Variants in EEA1 observed in about 807,000 individuals in gnomAD.
EEA1 encodes early endosome antigen 1, also known as early endosome antigen 1, 162kD.
Under a neutral mutation model 209.2 loss-of-function variants are expected in EEA1, and 111 were observed. That is an observed-to-expected ratio of 0.53 (90% CI 0.45 to 0.62). The LOEUF (loss-of-function observed/expected upper bound fraction) is 0.62. EEA1 is among the 20% of genes least tolerant of loss of function. EEA1 has a pLI of 0.00. For synonymous variants in EEA1, 536 were observed against 540.6 expected (o/e 0.99, Z 0.12); for missense variants, 1,343 against 1,530.8 (o/e 0.88, Z 2.05).
At chr12:92,908,440 G>T (rs548567901) in intron 1 of EEA1, among the ~76,000 whole-genome samples, 2 of 152,086 alleles carry the variant, frequency 1.3e-5, no homozygotes, top group South Asian at 2.1e-4. Context: ...GGTAAAAATT[G>T]TATCTTTTAA....
chr12:92,874,302 AGAGT>A (rs1205662201), intron 2 of EEA1, among the ~76,000 whole-genome samples: 1 of 152,210 alleles, frequency 6.6e-6, no homozygotes, highest in African/African-American at 2.4e-5. Flanking sequence ...CCCAGGCAAT[AGAGT>A]GAGACCCTGT....
chr12:92,835,744 T>C (rs779791277), intron 10 of EEA1, among the ~76,000 whole-genome samples: 16 of 152,036 alleles, frequency 1.1e-4, no homozygotes, highest in South Asian at 2.1e-4. Context: ...AAAAAACATA[T>C]GGTAACAACT....
At chr12:92,818,739 TTC>T (rs1385547657) in intron 14 of EEA1, among the ~76,000 whole-genome samples, 1 of 152,192 alleles carries the variant, frequency 6.6e-6, no homozygotes, top group Non-Finnish European at 1.5e-5. Context: ...CAACTGTAAA[TTC>T]TTTTTTGTTT....
chr12:92,912,254 G>A (rs1259757823), intron 1 of EEA1, among the ~76,000 whole-genome samples: 2 of 152,160 alleles, frequency 1.3e-5, no homozygotes, highest in East Asian at 3.8e-4. Context: ...GTCAGTGGTA[G>A]TTTGTTATGG....
At chr12:92,837,566 GA>G (rs909416629) in intron 10 of EEA1, among the ~76,000 whole-genome samples, 17 of 152,252 alleles carry the variant, frequency 1.1e-4, no homozygotes, top group Admixed American at 3.9e-4. Flanking sequence ...AGTGACTGTA[GA>G]TAAGCAATAT....
intron 3 of EEA1, among the ~76,000 whole-genome samples, chr12:92,863,829 G>A (rs2136722413): frequency 6.6e-6 from 1 of 152,282 alleles, no homozygotes; most frequent in Middle Eastern, 3.4e-3. Context: ...AAGTTAAGAA[G>A]AACAAGGGTA....
intron 13 of EEA1, among the ~76,000 whole-genome samples, chr12:92,822,930 A>G (rs1446273882): frequency 6.6e-6 from 1 of 152,050 alleles, no homozygotes; most frequent in Admixed American, 6.6e-5. Flanking sequence ...TGACACCTCC[A>G]CTTACCATGC....
At chr12:92,808,560 C>T (rs1419253512) in intron 18 of EEA1, among the ~76,000 whole-genome samples, 2 of 151,446 alleles carry the variant, frequency 1.3e-5, no homozygotes, top group Non-Finnish European at 2.9e-5. Context: ...GCCTCGACCT[C>T]CCAAGCTCAA....
chr12:92,878,668 G>A (rs888842935), intron 2 of EEA1, among the ~76,000 whole-genome samples: 2 of 152,070 alleles, frequency 1.3e-5, no homozygotes, highest in Non-Finnish European at 2.9e-5. Context: ...ACCAATAAAA[G>A]AGGAAAGCAA....
Position 92,770,882 on chromosome 12 carries a change from T to C in EEA1, c.*5129A>G, listed in dbSNP as rs1283009873. ...AGTTAACACTTTTGCATGGCTTTTC[T>C]TGGCCTGTTGTGAAGTGTACAGATT... On this transcript the variant is annotated 3_prime_UTR_variant, in exon 29 of 29. Transcript: ENST00000322349. 6.6e-6 allele frequency: 1 copy of C among 152,154 alleles called. No homozygotes were observed. The highest frequency in any genetic ancestry group is 1.5e-5 in the Non-Finnish European group (1 of 67,996). 9.4% of individuals were successfully genotyped at this position (152,154 alleles called of 1,614,324 possible). A position where few individuals can be genotyped will look rare whatever the true frequency, so the allele number is the denominator to read the frequency against.
chr12:92,884,766 C>T (rs1207418847), intron 2 of EEA1: 2 of 1,112,528 alleles, frequency 1.8e-6, no homozygotes, highest in South Asian at 2.5e-5. Flanking sequence ...CTACAGGTTA[C>T]AACAGATTGT....
intron 2 of EEA1, among the ~76,000 whole-genome samples, chr12:92,873,698 T>A (rs752298681): frequency 1.7e-4 from 26 of 152,178 alleles, no homozygotes; most frequent in Non-Finnish European, 2.6e-4. Context: ...TGGATTCATA[T>A]CACTCTTAGT....
chr12:92,832,384 G>A, intron 11 of EEA1, 128 bp downstream of exon 11: 1 of 899,624 alleles, frequency 1.1e-6, no homozygotes, highest in Non-Finnish European at 1.6e-6. Flanking sequence ...GGATATAAAA[G>A]TTAAGAGTTA....
intron 18 of EEA1, among the ~76,000 whole-genome samples, chr12:92,803,706 CT>C (rs1875048766): frequency 6.6e-6 from 1 of 151,938 alleles, no homozygotes; most frequent in Non-Finnish European, 1.5e-5. Flanking sequence ...CTTTTACCTC[CT>C]AAAAAATAGC....
intron 9 of EEA1, among the ~76,000 whole-genome samples, chr12:92,847,174 T>G (rs962810599): frequency 2.0e-5 from 3 of 152,152 alleles, no homozygotes; most frequent in Non-Finnish European, 4.4e-5. Context: ...CATGCTAGTC[T>G]TGTACTCCTG....
chr12:92,812,967 T>G lies in EEA1; in HGVS notation c.2043+13A>C. 1 of 1,540,924 alleles carries G rather than the reference T, an allele frequency of 6.5e-7. No homozygotes were observed. The highest frequency in any genetic ancestry group is 1.2e-5 in the South Asian group (1 of 82,578). On this transcript the variant is annotated intron_variant, in intron 16 of 28. Transcript: ENST00000322349. ...CACTAGGTGATAGTATGAAATTGCATCTGTTTCCCTACCTGCTGTTTATCT... is the reference window on the plus strand; with the variant it reads ...CACTAGGTGATAGTATGAAATTGCAGCTGTTTCCCTACCTGCTGTTTATCT...
At chr12:92,806,937 TAATAA>T (rs1198504537) in intron 18 of EEA1, among the ~76,000 whole-genome samples, 180 of 144,098 alleles carry the variant, frequency 1.2e-3, no homozygotes, top group African/African-American at 4.6e-3. Flanking sequence ...TTTTCTTTTT[TAATAA>T]TTTTTTTTTT....
intron 13 of EEA1, among the ~76,000 whole-genome samples, chr12:92,821,964 C>T (rs1340064690): frequency 2.0e-5 from 3 of 150,388 alleles, no homozygotes; most frequent in Non-Finnish European, 4.4e-5. Flanking sequence ...TCTCCTACTA[C>T]TCTTCTTCTG....
At chr12:92,817,560 T>C (rs749570534) in intron 14 of EEA1, among the ~76,000 whole-genome samples, 3 of 152,110 alleles carry the variant, frequency 2.0e-5, no homozygotes, top group Non-Finnish European at 2.9e-5. Context: ...TAGTTTTTTG[T>C]TTCTATCCAT....
Sources: allele counts gnomAD v4.1 joint callset (sites outside exome capture counted in the v4.1 genomes callset), GRCh38; gene constraint gnomAD v4.1.1; transcripts MANE v1.5; gene names NCBI Gene and HGNC (gene_info 2026-07-23, HGNC 2026-07-21).